The following PPP1R1C variants were observed in gnomAD, a reference collection of about 807,000 sequenced individuals.
The protein encoded by PPP1R1C is protein phosphatase 1 regulatory subunit 1C.
Under a neutral mutation model 17.4 loss-of-function variants are expected in PPP1R1C, and 15 were observed. That is an observed-to-expected ratio of 0.86 (90% confidence interval 0.58 to 1.33). The LOEUF is 1.33. Among genes scored for constraint, PPP1R1C ranks in the 40% most tolerant of loss-of-function variants. The pLI is 0.00. For synonymous variants in PPP1R1C, 35 were observed against 43.1 expected, an observed-to-expected ratio of 0.81 and a Z score of 0.73; for missense variants, 143 against 130.0, an observed-to-expected ratio of 1.10 and a Z score of -0.48.
At chr2:182,013,274 T>C (rs574107159) in intron 2 of PPP1R1C, among the ~76,000 whole-genome samples, 3 of 152,254 alleles carry the variant, frequency 2.0e-5, no homozygotes, top group South Asian at 4.1e-4. Flanking sequence ...CCTTCATGAT[T>C]GAAGGATTTT....
chr2:182,074,886 G>A (rs1482337597), intron 4 of PPP1R1C, among the ~76,000 whole-genome samples: 1 of 152,158 alleles, frequency 6.6e-6, no homozygotes, highest in South Asian at 2.1e-4. Context: ...CTTGTACTCT[G>A]TGCAACATTC....
At chr2:182,031,166 C>T (rs1686822072) in intron 2 of PPP1R1C, among the ~76,000 whole-genome samples, 2 of 152,240 alleles carry the variant, frequency 1.3e-5, no homozygotes, top group African/African-American at 4.8e-5. Context: ...CAGAAATCAC[C>T]TGTCTTCTGC....
At position 182,023,006 on chromosome 2, in the gene PPP1R1C, A is replaced by T. The variant is rs144878222; in HGVS notation, c.142+35107A>T. Among the ~76,000 whole-genome samples, 657 of 152,348 alleles carry T rather than the reference A, an allele frequency of 4.3e-3. 21 individuals are homozygous for T. Among genetic ancestry groups the T allele is most frequent in the Admixed American group, 0.037 (560 of 15,308 alleles). On this transcript the variant is annotated intron_variant, in intron 2 of 4. Transcript: ENST00000682840. ...ATAAATTAATGTGGAAATAATATCA[A>T]GAATGATCTATAGTTTGTCGTATCA... is the stretch of plus-strand genomic sequence containing the variant.
At chr2:182,084,871 T>A (rs1688581849) in intron 4 of PPP1R1C, among the ~76,000 whole-genome samples, 1 of 152,164 alleles carries the variant, frequency 6.6e-6, no homozygotes, top group African/African-American at 2.4e-5. Context: ...CAATATTGAT[T>A]CTTCTAATTC....
chr2:182,125,996 G>A (rs1689863654), intron 5 of PPP1R1C, among the ~76,000 whole-genome samples: 1 of 151,982 alleles, frequency 6.6e-6, no homozygotes, highest in African/African-American at 2.4e-5. Flanking sequence ...TCTTTTAATT[G>A]TGATGTTAGG....
chr2:182,021,693 C>G (rs1210890705), intron 2 of PPP1R1C, among the ~76,000 whole-genome samples: 1 of 152,150 alleles, frequency 6.6e-6, no homozygotes, highest in Non-Finnish European at 1.5e-5. Context: ...GGCAATTTCT[C>G]TCTGCCTTTT....
chr2:182,082,016 T>A (rs1046097898), intron 4 of PPP1R1C, among the ~76,000 whole-genome samples: 4 of 151,936 alleles, frequency 2.6e-5, no homozygotes, highest in Non-Finnish European at 4.4e-5. Flanking sequence ...TTTTTATTCC[T>A]GAAGCTTAAA....
rs113514494 is a variant in PPP1R1C, at chr2:182,009,899, G to A, written c.142+22000G>A. 7.9e-5 allele frequency among the ~76,000 whole-genome samples: 12 copies of A among 151,930 alleles called. 1 individual carries two copies. Among genetic ancestry groups the A allele is most frequent in the African/African-American group, 2.4e-4 (10 of 41,474 alleles). On this transcript the variant is annotated intron_variant, in intron 2 of 4. Transcript: ENST00000682840. Reference sequence around the variant, plus strand: ...AGAGACTGTCCTTCCCTTGTTATACGTTTTTTTCACTTTGGTCAAAAATGA... The same window carrying A: ...AGAGACTGTCCTTCCCTTGTTATACATTTTTTTCACTTTGGTCAAAAATGA...
intron 2 of PPP1R1C, among the ~76,000 whole-genome samples, chr2:181,992,112 C>G (rs952254410): frequency 8.5e-5 from 13 of 152,278 alleles, no homozygotes; most frequent in Admixed American, 3.3e-4. Context: ...TCATGACAGA[C>G]ATACATAAAC....
At chr2:181,968,690 T>G (rs1684950371) in intron 1 of PPP1R1C, among the ~76,000 whole-genome samples, 1 of 152,152 alleles carries the variant, frequency 6.6e-6, no homozygotes, top group African/African-American at 2.4e-5. Flanking sequence ...TTCTTTTACA[T>G]TCAATGTTAT....
chr2:182,123,610 T>C (rs559162561), intron 5 of PPP1R1C, among the ~76,000 whole-genome samples: 113 of 152,362 alleles, frequency 7.4e-4, no homozygotes, highest in African/African-American at 2.3e-3. Flanking sequence ...CCAGTGATGA[T>C]GAGCTTTTTA....
At chr2:181,992,885 A>G (rs1685508082) in intron 2 of PPP1R1C, among the ~76,000 whole-genome samples, 1 of 152,088 alleles carries the variant, frequency 6.6e-6, no homozygotes, top group African/African-American at 2.4e-5. Flanking sequence ...ATATAATACT[A>G]TCTCCTTTCA....
intron 5 of PPP1R1C, among the ~76,000 whole-genome samples, chr2:182,128,348 C>T (rs1263303889): frequency 1.3e-5 from 2 of 152,044 alleles, no homozygotes; most frequent in African/African-American, 2.4e-5. Context: ...GTCCCTTAAC[C>T]ACTCTAGAAC....
chr2:182,023,055 A>G (rs2125164364), intron 2 of PPP1R1C, among the ~76,000 whole-genome samples: 1 of 152,332 alleles, frequency 6.6e-6, no homozygotes, highest in South Asian at 2.1e-4. Flanking sequence ...TGGAATAGCA[A>G]CTTTGTAAAT....
At chr2:182,061,513 T>C (rs1390660343) in intron 3 of PPP1R1C, 34 bp downstream of exon 3, 15 of 1,371,484 alleles carry the variant, frequency 1.1e-5, no homozygotes, top group Non-Finnish European at 9.6e-7. Flanking sequence ...ATAAATGTGT[T>C]CAAATCAATT....
chr2:182,038,106 T>A (rs1687068329), intron 2 of PPP1R1C, among the ~76,000 whole-genome samples: 1 of 152,112 alleles, frequency 6.6e-6, no homozygotes, highest in South Asian at 2.1e-4. Context: ...GGCCTGATCA[T>A]GGCTCACTGC....
intron 2 of PPP1R1C, among the ~76,000 whole-genome samples, chr2:181,975,639 C>T (rs913490179): frequency 1.3e-5 from 2 of 151,762 alleles, no homozygotes; most frequent in Admixed American, 1.3e-4. Context: ...GGTTCTTTCT[C>T]TTTTTATTTT....
chr2:182,013,785 T>G (rs2125157608), intron 2 of PPP1R1C, among the ~76,000 whole-genome samples: 1 of 152,340 alleles, frequency 6.6e-6, no homozygotes, highest in Non-Finnish European at 1.5e-5. Flanking sequence ...GCTCACCATT[T>G]CTTTCTGCTG....
chr2:182,058,992 A>G (rs556888748), intron 2 of PPP1R1C, among the ~76,000 whole-genome samples: 1 of 152,264 alleles, frequency 6.6e-6, no homozygotes, highest in Admixed American at 6.5e-5. Context: ...GACAAAGACA[A>G]GGAGACGCTG....
Sources: allele counts gnomAD v4.1 joint callset (sites outside exome capture counted in the v4.1 genomes callset), GRCh38; gene constraint gnomAD v4.1.1; transcripts MANE v1.5; gene names NCBI Gene and HGNC (gene_info 2026-07-23, HGNC 2026-07-21).